Variants in USP18 observed in about 807,000 individuals in gnomAD.
USP18 encodes ubl carboxyl-terminal hydrolase 18.
In USP18, 11 loss-of-function variants were observed where a neutral mutation model predicts 48.7. That is an observed-to-expected ratio of 0.23 (90% CI 0.14 to 0.37). The LOEUF (loss-of-function observed/expected upper bound fraction) is 0.37, where lower values mean the gene tolerates loss of function less well. USP18 is among the 10% of genes least tolerant of loss of function. The pLI is 1.00. For missense variants in USP18, 285 were observed against 436.4 expected, an observed-to-expected ratio of 0.65 and a Z score of 3.09; for synonymous variants, 114 against 163.2, an observed-to-expected ratio of 0.70 and a Z score of 2.30.
In USP18 at chr22:18,166,421, A is replaced by G. The variant is rs370040366; in HGVS notation, c.401-834A>G. Reference sequence around the variant, plus strand: ...CTAAAGTCTTTGTTTAGTAACGCCAACATCTAGGGCTTCTCAGTGAAAGGT... The same window carrying G: ...CTAAAGTCTTTGTTTAGTAACGCCAGCATCTAGGGCTTCTCAGTGAAAGGT... On this transcript the variant is annotated intron_variant, in intron 4 of 10. Coordinates refer to ENST00000215794, the MANE Select transcript of USP18 (RefSeq NM_017414.4). Among the ~76,000 whole-genome samples the G allele has an allele frequency of 2.0e-4, 31 of 152,248 alleles. 1 individual carries two copies. In the East Asian group the frequency reaches 5.6e-3, roughly 27 times the overall value.
intron 8 of USP18, among the ~76,000 whole-genome samples, chr22:18,171,364 C>A: frequency 7.2e-6 from 1 of 138,170 alleles, no homozygotes; most frequent in Non-Finnish European, 1.5e-5. Flanking sequence ...GGTGATGTGG[C>A]TCATGCCTGT....
intron 4 of USP18, among the ~76,000 whole-genome samples, chr22:18,163,536 G>C (rs1379881800): frequency 6.6e-6 from 1 of 151,908 alleles, no homozygotes; most frequent in Non-Finnish European, 1.5e-5. Context: ...CCAGCTACTC[G>C]GGAGGCTGAG....
At chr22:18,155,569 G>A (rs1186104044) in intron 1 of USP18, among the ~76,000 whole-genome samples, 2 of 152,186 alleles carry the variant, frequency 1.3e-5, no homozygotes, top group Non-Finnish European at 2.9e-5. Context: ...GTGCTTGTGG[G>A]CCAGCGCGAG....
At chr22:18,163,708 G>A (rs1029580081) in intron 4 of USP18, among the ~76,000 whole-genome samples, 3 of 151,916 alleles carry the variant, frequency 2.0e-5, no homozygotes, top group East Asian at 1.9e-4. Flanking sequence ...CTTGTCCCAC[G>A]GGCCTTGTAT....
At chr22:18,155,450 G>A (rs548767829) in intron 1 of USP18, among the ~76,000 whole-genome samples, 4 of 152,226 alleles carry the variant, frequency 2.6e-5, no homozygotes, top group East Asian at 1.9e-4. Flanking sequence ...TCAGCCCACC[G>A]CTGCACTGTG....
intron 4 of USP18, among the ~76,000 whole-genome samples, chr22:18,163,512 G>A (rs1208883727): frequency 6.6e-6 from 1 of 151,882 alleles, no homozygotes; most frequent in Non-Finnish European, 1.5e-5. Flanking sequence ...GCGTGGTGGC[G>A]GGCGCCTGTA....
chr22:18,160,341 T>G, intron 3 of USP18, 73 bp downstream of exon 3: 1 of 1,574,444 alleles, frequency 6.4e-7, no homozygotes, highest in South Asian at 1.1e-5. Flanking sequence ...AGTCTTGCTC[T>G]GTTGCCCAGG....
chr22:18,164,289 G>T (rs1929412782), intron 4 of USP18, among the ~76,000 whole-genome samples: 1 of 151,852 alleles, frequency 6.6e-6, no homozygotes, highest in Admixed American at 6.6e-5. Flanking sequence ...CTTCTAGGGA[G>T]AAAGTAGGAG....
intron 4 of USP18, among the ~76,000 whole-genome samples, 195 bp from the exon 5 acceptor site, chr22:18,167,060 G>A (rs532128015): frequency 2.0e-5 from 3 of 152,284 alleles, no homozygotes; most frequent in African/African-American, 7.2e-5. Context: ...GTTTTAAGAG[G>A]CGTTCTCAAA....
chr22:18,174,748 C>A (rs1299899001), intron 10 of USP18, among the ~76,000 whole-genome samples: 11 of 152,094 alleles, frequency 7.2e-5, no homozygotes, highest in African/African-American at 2.2e-4. Context: ...AGTCTGTACA[C>A]CATGCTTGGC....
intron 10 of USP18, among the ~76,000 whole-genome samples, chr22:18,176,175 G>A (rs1263132241): frequency 2.5e-5 from 2 of 80,324 alleles, no homozygotes; most frequent in South Asian, 4.8e-4. Flanking sequence ...CCAGCCACTC[G>A]GGAGGCTGAG....
At chr22:18,152,995 G>A (rs976641441) in intron 1 of USP18, among the ~76,000 whole-genome samples, 1 of 152,162 alleles carries the variant, frequency 6.6e-6, no homozygotes, top group African/African-American at 2.4e-5. Context: ...CTTGCTGATG[G>A]AATTGTCTGC....
At chr22:18,163,827 T>A (rs1192817198) in intron 4 of USP18, among the ~76,000 whole-genome samples, 2 of 152,124 alleles carry the variant, frequency 1.3e-5, no homozygotes, top group Non-Finnish European at 2.9e-5. Flanking sequence ...GAGATTAGAA[T>A]GTGTCAAGTC....
intron 8 of USP18, among the ~76,000 whole-genome samples, chr22:18,171,435 G>A (rs1369820305): frequency 7.0e-6 from 1 of 142,650 alleles, no homozygotes; most frequent in Non-Finnish European, 1.5e-5. Flanking sequence ...TTCGAGACCA[G>A]CTTCAGCAAC....
chr22:18,174,377 G>A (rs1929723803), intron 10 of USP18, among the ~76,000 whole-genome samples: 1 of 151,136 alleles, frequency 6.6e-6, no homozygotes, highest in African/African-American at 2.4e-5. Flanking sequence ...ACAGGTGTGT[G>A]CCACCACGCC....
Position 18,170,510 on chromosome 22 carries a change from G to A in USP18, c.724-243G>A, listed in dbSNP as rs144899422. Among the ~76,000 whole-genome samples the A allele has an allele frequency of 9.9e-3, 1,509 of 152,232 alleles. 13 individuals are homozygous for A. Among genetic ancestry groups the A allele is most frequent in the Non-Finnish European group, 0.016 (1,116 of 68,024 alleles). ...TGGAGCAGACGCGGTGGCTCCCTGG[G>A]TCCTGGTACCTGTGCAGAGCCCTGT... On this transcript the variant is annotated intron_variant, in intron 7 of 10. Coordinates refer to ENST00000215794, the MANE Select transcript of USP18 (RefSeq NM_017414.4).
intron 1 of USP18, among the ~76,000 whole-genome samples, chr22:18,155,736 G>T (rs530032819): frequency 6.6e-6 from 1 of 152,334 alleles, no homozygotes; most frequent in African/African-American, 2.4e-5. Flanking sequence ...CAGGGCTCGG[G>T]ACCTGTAGCC....
intron 4 of USP18, among the ~76,000 whole-genome samples, 181 bp downstream of exon 4, chr22:18,162,116 T>C (rs1929350234): frequency 6.6e-6 from 1 of 152,124 alleles, no homozygotes; most frequent in East Asian, 1.9e-4. Context: ...AGAATTGATA[T>C]TATTTATGGA....
intron 1 of USP18, among the ~76,000 whole-genome samples, chr22:18,155,441 C>T (rs1176670466): frequency 6.6e-6 from 1 of 152,238 alleles, no homozygotes; most frequent in African/African-American, 2.4e-5. Context: ...AGGAGCCCTT[C>T]AGCCCACCGC....
Sources: allele counts gnomAD v4.1 joint callset (sites outside exome capture counted in the v4.1 genomes callset), GRCh38; gene constraint gnomAD v4.1.1; transcripts MANE v1.5; gene names NCBI Gene and HGNC (gene_info 2026-07-23, HGNC 2026-07-21).